IQCM: variants seen among roughly 807,000 people sequenced by gnomAD.
IQCM encodes the protein IQ motif containing M.
Under a neutral mutation model 57.6 loss-of-function variants are expected in IQCM, and 45 were observed. That is an observed-to-expected ratio of 0.78 (90% confidence interval 0.62 to 1.00). The LOEUF (loss-of-function observed/expected upper bound fraction) is 1.00. Among genes scored for constraint, IQCM ranks in the 50% least tolerant of loss-of-function variants. IQCM has a pLI of 0.00. For synonymous variants in IQCM, 148 were observed against 158.9 expected (o/e 0.93, Z 0.51); for missense variants, 468 against 511.6 (o/e 0.91, Z 0.82).
intron 12 of IQCM, among the ~76,000 whole-genome samples, chr4:149,535,789 A>C (rs1054998373): frequency 1.3e-5 from 2 of 152,092 alleles, no homozygotes; most frequent in African/African-American, 2.4e-5. Context: ...AGAGTAACTT[A>C]CTAATTGGAG....
intron 12 of IQCM, among the ~76,000 whole-genome samples, chr4:149,503,906 T>C (rs2149796275): frequency 6.6e-6 from 1 of 152,128 alleles, no homozygotes; most frequent in African/African-American, 2.4e-5. Context: ...AAAAAGCTAT[T>C]TTTCTAAGCA....
intron 8 of IQCM, among the ~76,000 whole-genome samples, chr4:149,609,616 C>A (rs1185419584): frequency 6.6e-6 from 1 of 151,828 alleles, no homozygotes; most frequent in African/African-American, 2.4e-5. Flanking sequence ...ATCATACCAA[C>A]AGAATGAAGG....
intron 2 of IQCM, among the ~76,000 whole-genome samples, chr4:149,766,840 G>A (rs1443516506): frequency 6.6e-6 from 1 of 151,988 alleles, no homozygotes; most frequent in East Asian, 1.9e-4. Flanking sequence ...TTGGCTCTCA[G>A]GCTTTCAGGT....
chr4:149,621,375 T>G (rs1347481848), intron 7 of IQCM, 131 bp from the exon 8 acceptor site: 1 of 406,086 alleles, frequency 2.5e-6, no homozygotes, highest in Non-Finnish European at 4.3e-6. Context: ...TAAAATCACA[T>G]CTTGTCATCT....
intron 2 of IQCM, among the ~76,000 whole-genome samples, chr4:149,785,881 C>T (rs1053522758): frequency 6.6e-6 from 1 of 151,750 alleles, no homozygotes; most frequent in African/African-American, 2.4e-5. Context: ...CTGAATTTGG[C>T]CTGCTTGATG....
chr4:149,475,062 C>A (rs185880293), intron 12 of IQCM, among the ~76,000 whole-genome samples: 32 of 152,264 alleles, frequency 2.1e-4, no homozygotes, highest in Non-Finnish European at 4.1e-4. Context: ...CATAACCTAA[C>A]ATATTTTGAA....
intron 13 of IQCM, among the ~76,000 whole-genome samples, chr4:149,423,629 T>C (rs1734267520): frequency 6.6e-6 from 1 of 152,082 alleles, no homozygotes; most frequent in Non-Finnish European, 1.5e-5. Flanking sequence ...AACGGAGCAC[T>C]CACTGTGTGG....
intron 13 of IQCM, among the ~76,000 whole-genome samples, chr4:149,370,590 CA>C (rs1730301396): frequency 6.6e-6 from 1 of 151,996 alleles, no homozygotes; most frequent in Non-Finnish European, 1.5e-5. Context: ...CACACACACA[CA>C]CCCTTATATG....
chr4:149,649,179 CTG>C (rs1489145076), intron 7 of IQCM, among the ~76,000 whole-genome samples: 11 of 152,090 alleles, frequency 7.2e-5, no homozygotes, highest in Admixed American at 7.2e-4. Context: ...CCCACCCCAC[CTG>C]TTCAGAAAAG....
chr4:149,490,991 C>A (rs1258352150), intron 12 of IQCM, among the ~76,000 whole-genome samples: 1 of 152,002 alleles, frequency 6.6e-6, no homozygotes, highest in South Asian at 2.1e-4. Flanking sequence ...ACTCGCCTGG[C>A]CTCTTATGCT....
intron 10 of IQCM, among the ~76,000 whole-genome samples, chr4:149,561,293 T>G (rs1217612510): frequency 6.6e-6 from 1 of 152,192 alleles, no homozygotes; most frequent in East Asian, 1.9e-4. Context: ...CTCTCAATTT[T>G]TTAGATTCAT....
chr4:149,630,024 A>G (rs1421687795), intron 7 of IQCM, among the ~76,000 whole-genome samples: 1 of 152,150 alleles, frequency 6.6e-6, no homozygotes, highest in Non-Finnish European at 1.5e-5. Context: ...TCATTAGGTA[A>G]AAGTGAGAAC....
chr4:149,604,871 G>C (rs185387106), intron 8 of IQCM, among the ~76,000 whole-genome samples: 90 of 152,204 alleles, frequency 5.9e-4, no homozygotes, highest in African/African-American at 1.8e-3. Context: ...GGAGGTGATG[G>C]GGGGTGGGAG....
chr4:149,578,517 C>A lies in IQCM; in HGVS notation c.749+9413G>T, dbSNP rs574111457. On this transcript the variant is annotated intron_variant, in intron 9 of 13. Transcript: ENST00000636793. Reference sequence around the variant, plus strand: ...TAAATTGTTCTGCTCTTCATCCCAACACAGTTATTTATTCCTCTTGGGGAT... The same window carrying A: ...TAAATTGTTCTGCTCTTCATCCCAAAACAGTTATTTATTCCTCTTGGGGAT... Among the ~76,000 whole-genome samples the A allele has an allele frequency of 5.9e-5, 9 of 151,840 alleles. No individual in the cohort carries two copies. In the South Asian group the frequency reaches 1.9e-3, roughly 31 times the overall value.
chr4:149,814,359 T>A (rs182931180), intron 2 of IQCM, among the ~76,000 whole-genome samples: 1 of 152,080 alleles, frequency 6.6e-6, no homozygotes, highest in East Asian at 1.9e-4. Flanking sequence ...TGAAAACATA[T>A]AATTAGTCAT....
intron 7 of IQCM, among the ~76,000 whole-genome samples, chr4:149,651,808 C>G (rs1244993096): frequency 6.6e-6 from 1 of 152,046 alleles, no homozygotes. Flanking sequence ...ACAACAGATG[C>G]TGGTGAGGAT....
chr4:149,393,190 T>C (rs1250661659), intron 13 of IQCM, among the ~76,000 whole-genome samples: 1 of 151,896 alleles, frequency 6.6e-6, no homozygotes, highest in Non-Finnish European at 1.5e-5. Context: ...TATATACGCA[T>C]ATATAAATAA....
chr4:149,644,429 T>C (rs1474393393), intron 7 of IQCM, among the ~76,000 whole-genome samples: 2 of 152,340 alleles, frequency 1.3e-5, no homozygotes, highest in Middle Eastern at 3.4e-3. Context: ...TTGAATTTGA[T>C]CTACCAAAAT....
At chr4:149,796,238 C>G (rs1164612650) in intron 2 of IQCM, among the ~76,000 whole-genome samples, 8 of 152,160 alleles carry the variant, frequency 5.3e-5, no homozygotes, top group Admixed American at 5.2e-4. Flanking sequence ...ACTGAGGAGC[C>G]ATTGGGCTAT....
Sources: gnomAD v4.1 joint callset for allele counts (sites outside exome capture counted in the v4.1 genomes callset) on GRCh38, gnomAD v4.1.1 for gene constraint, MANE v1.5 for transcripts, NCBI Gene and HGNC (gene_info 2026-07-23, HGNC 2026-07-21) for gene names.